The following SCN8A variants were observed in gnomAD, a reference collection of about 807,000 sequenced individuals.
SCN8A encodes the protein sodium channel protein type 8 subunit alpha.
Under a neutral mutation model 184.1 loss-of-function variants are expected in SCN8A, and 30 were observed. The observed-to-expected ratio is 0.16, with a 90% CI of 0.12 to 0.22. The LOEUF (loss-of-function observed/expected upper bound fraction) is 0.22, where lower values mean the gene tolerates loss of function less well. Among genes scored for constraint, SCN8A ranks in the 10% least tolerant of loss-of-function variants. The pLI, the probability that SCN8A is intolerant of heterozygous loss-of-function variation, is 1.00. For synonymous variants in SCN8A, 852 were observed against 907.0 expected, an observed-to-expected ratio of 0.94 and a Z score of 1.09; for missense variants, 1,057 against 2,498.9, an observed-to-expected ratio of 0.42 and a Z score of 12.30.
At chr12:51,734,780 C>T (rs1942297936) in intron 12 of SCN8A, among the ~76,000 whole-genome samples, 2 of 152,346 alleles carry the variant, frequency 1.3e-5, no homozygotes, top group South Asian at 4.1e-4. Flanking sequence ...CTACTTCTTG[C>T]AGGAGTCAGA....
intron 11 of SCN8A, among the ~76,000 whole-genome samples, chr12:51,716,812 G>A (rs74091622): frequency 0.056 from 8,477 of 152,142 alleles, 347 homozygotes; most frequent in African/African-American, 0.11. Flanking sequence ...TCTATGTTAC[G>A]CTTGCCTTCA....
At chr12:51,799,003 T>C (rs970716333) in intron 26 of SCN8A, among the ~76,000 whole-genome samples, 13 of 152,232 alleles carry the variant, frequency 8.5e-5, no homozygotes, top group Admixed American at 7.2e-4. Flanking sequence ...AAGATTTCCC[T>C]TCAGTGCTCT....
At chr12:51,608,212 C>T (rs1015807324) in intron 1 of SCN8A, among the ~76,000 whole-genome samples, 8 of 151,642 alleles carry the variant, frequency 5.3e-5, no homozygotes, top group Admixed American at 2.0e-4. Flanking sequence ...TTAGTAGAGA[C>T]GGGGTTTCAC....
chr12:51,670,451 C>G (rs1941111026), intron 2 of SCN8A, among the ~76,000 whole-genome samples: 1 of 152,006 alleles, frequency 6.6e-6, no homozygotes. Context: ...TCCAGGTCAT[C>G]TAATTTGATT....
rs190543179 is a variant in SCN8A, at chr12:51,723,403, G to T, written c.1998+1495G>T. 3.1e-3 allele frequency among the ~76,000 whole-genome samples: 477 copies of T among 152,180 alleles called. 2 individuals are homozygous for T. Among genetic ancestry groups the T allele is most frequent in the Middle Eastern group, 0.02 (6 of 294 alleles). ...GCTACTTGGGATGCTGAGGCAGGGG[G>T]ATCACATGAGCCCAAGAGTTTAAGG... is the stretch of plus-strand genomic sequence containing the variant. On this transcript the variant is annotated intron_variant, in intron 12 of 26. Coordinates refer to ENST00000627620, the MANE Select transcript of SCN8A (RefSeq NM_001330260.2).
At chr12:51,748,758 G>A (rs367880566) in intron 13 of SCN8A, among the ~76,000 whole-genome samples, 155 of 152,300 alleles carry the variant, frequency 1.0e-3, no homozygotes, top group African/African-American at 3.7e-3. Flanking sequence ...TTACTTGGCT[G>A]ATATCAGCCT....
chr12:51,665,758 C>A (rs925310621), intron 2 of SCN8A, among the ~76,000 whole-genome samples: 1 of 152,018 alleles, frequency 6.6e-6, no homozygotes, highest in Non-Finnish European at 1.5e-5. Flanking sequence ...GCACAGGAAC[C>A]CTCATGAAGA....
chr12:51,643,896 G>A (rs1940507648), intron 1 of SCN8A, among the ~76,000 whole-genome samples: 1 of 152,178 alleles, frequency 6.6e-6, no homozygotes, highest in Non-Finnish European at 1.5e-5. Flanking sequence ...GCTTTCCAAT[G>A]CCTGGAATGT....
intron 24 of SCN8A, among the ~76,000 whole-genome samples, chr12:51,790,001 A>G (rs766109520): frequency 9.2e-5 from 14 of 152,356 alleles, no homozygotes; most frequent in Admixed American, 6.5e-4. Context: ...ATCTAAAATA[A>G]ATTGGCTATC....
chr12:51,716,502 A>C (rs928998514), intron 11 of SCN8A, among the ~76,000 whole-genome samples: 6 of 152,234 alleles, frequency 3.9e-5, no homozygotes, highest in African/African-American at 1.4e-4. Context: ...TGGAGCGTGC[A>C]CTGGAAACAG....
At chr12:51,764,410 G>A (rs1037079027) in intron 15 of SCN8A, among the ~76,000 whole-genome samples, 2 of 152,114 alleles carry the variant, frequency 1.3e-5, no homozygotes, top group African/African-American at 2.4e-5. Context: ...CAAGGCGGGC[G>A]CATCACTTGA....
chr12:51,742,825 A>G lies in SCN8A; in HGVS notation c.1999-3078A>G, dbSNP rs370672264. Among the ~76,000 whole-genome samples, 173 of 152,252 alleles carry G rather than the reference A, an allele frequency of 1.1e-3. No individual in the cohort carries two copies. In the Middle Eastern group the frequency reaches 0.014, roughly 12 times the overall value. ...TTTCTCTACGTCCTTTTTAAGGCCAATAACTCTAAGATTTTCCCTTTTGAG... is the reference window on the plus strand; with the variant it reads ...TTTCTCTACGTCCTTTTTAAGGCCAGTAACTCTAAGATTTTCCCTTTTGAG... On this transcript the variant is annotated intron_variant, in intron 12 of 26. Transcript: ENST00000627620.
chr12:51,750,588 G>A (rs1942580937), intron 13 of SCN8A, among the ~76,000 whole-genome samples: 1 of 152,172 alleles, frequency 6.6e-6, no homozygotes, highest in East Asian at 1.9e-4. Context: ...TGAGAACATA[G>A]CAGATGTGTT....
At chr12:51,653,360 C>A (rs961521302) in intron 1 of SCN8A, among the ~76,000 whole-genome samples, 1 of 152,176 alleles carries the variant, frequency 6.6e-6, no homozygotes, top group African/African-American at 2.4e-5. Flanking sequence ...CCTGATTACC[C>A]CTATTCTGCT....
intron 1 of SCN8A, among the ~76,000 whole-genome samples, chr12:51,649,660 C>T (rs559413311): frequency 6.6e-5 from 10 of 152,284 alleles, no homozygotes; most frequent in African/African-American, 1.7e-4. Flanking sequence ...GCAGCTGGGA[C>T]GCAGGGCACC....
chr12:51,726,301 A>G (rs1236569460), intron 12 of SCN8A, among the ~76,000 whole-genome samples: 3 of 152,358 alleles, frequency 2.0e-5, no homozygotes, highest in African/African-American at 7.2e-5. Context: ...ATCACATGCA[A>G]TTGAGAAATC....
intron 1 of SCN8A, among the ~76,000 whole-genome samples, chr12:51,592,789 T>C (rs1939257514): frequency 6.6e-6 from 1 of 151,854 alleles, no homozygotes; most frequent in Admixed American, 6.6e-5. Context: ...TGGAGAGCCT[T>C]TAGAGAGAGG....
chr12:51,667,820 A>G (rs1941061812), intron 2 of SCN8A, among the ~76,000 whole-genome samples: 1 of 152,184 alleles, frequency 6.6e-6, no homozygotes. Flanking sequence ...TTACAATCAT[A>G]TAAACAAAAA....
chr12:51,591,764 G>A (rs1939224944), intron 1 of SCN8A, among the ~76,000 whole-genome samples: 1 of 152,032 alleles, frequency 6.6e-6, no homozygotes, highest in Admixed American at 6.5e-5. Context: ...GCGCTGTCGG[G>A]ATCTTCCTAC....
Sources: allele counts gnomAD v4.1 joint callset (sites outside exome capture counted in the v4.1 genomes callset), GRCh38; gene constraint gnomAD v4.1.1; transcripts MANE v1.5; gene names NCBI Gene and HGNC (gene_info 2026-07-23, HGNC 2026-07-21).